The following DTWD2 variants were observed in gnomAD, a reference collection of about 807,000 sequenced individuals.
The protein encoded by DTWD2 is DTW motif tRNA-uridine aminocarboxypropyltransferase 2.
A neutral mutation model predicts 31.8 loss-of-function variants in DTWD2; 39 were observed. The observed-to-expected ratio is 1.22, with a 90% CI of 0.95 to 1.60. The LOEUF (loss-of-function observed/expected upper bound fraction) is 1.60, where lower values mean the gene tolerates loss of function less well. Ranked by LOEUF, DTWD2 falls within the 40% of genes most tolerant of loss-of-function variation. DTWD2 has a pLI of 0.00. For synonymous variants in DTWD2, 180 were observed against 142.8 expected (o/e 1.26, Z -1.86); for missense variants, 515 against 381.5 (o/e 1.35, Z -2.92).
chr5:118,946,270 T>C (rs191219686), intron 1 of DTWD2, among the ~76,000 whole-genome samples: 1 of 152,214 alleles, frequency 6.6e-6, no homozygotes, highest in Admixed American at 6.5e-5. Context: ...ATGATTGTTC[T>C]GCCCCACACT....
intron 4 of DTWD2, among the ~76,000 whole-genome samples, chr5:118,853,059 A>C (rs1020705414): frequency 1.3e-5 from 2 of 152,168 alleles, no homozygotes; most frequent in Non-Finnish European, 2.9e-5. Context: ...GGAGACTACT[A>C]GAGAGAGGAG....
chr5:118,894,490 A>G lies in DTWD2; in HGVS notation c.597+34047T>C, dbSNP rs1258651016. On this transcript the variant is annotated intron_variant, in intron 4 of 5. Coordinates refer to ENST00000510708, the MANE Select transcript of DTWD2 (RefSeq NM_173666.4). ...ATAATCATAGCAGTGTGGTATTGCT[A>G]TTTAAAGACAGATATATAAATAAAT... 2.6e-5 allele frequency among the ~76,000 whole-genome samples: 4 copies of G among 152,330 alleles called. No individual in the cohort carries two copies. The East Asian group carries it at 7.7e-4, about 29-fold the overall frequency.
chr5:118,925,433 G>A (rs1036473914), intron 4 of DTWD2, among the ~76,000 whole-genome samples: 56 of 152,254 alleles, frequency 3.7e-4, no homozygotes, highest in African/African-American at 1.3e-3. Context: ...ATTCAAAATA[G>A]CGTGGCTAAT....
Position 118,977,846 on chromosome 5 carries a change from T to C in DTWD2, c.218+10448A>G, listed in dbSNP as rs1316547407. Among the ~76,000 whole-genome samples, 3 of 152,298 alleles carry C rather than the reference T, an allele frequency of 2.0e-5. No individual in the cohort carries two copies. The South Asian group carries it at 6.2e-4, about 32-fold the overall frequency. On this transcript the variant is annotated intron_variant, in intron 1 of 5. Transcript: ENST00000510708. ...AGGAAAAACTATTTTAAAATTCATATGGAACCAAAAAAGAACCCAAATAGC... is the reference window on the plus strand; with the variant it reads ...AGGAAAAACTATTTTAAAATTCATACGGAACCAAAAAAGAACCCAAATAGC...
chr5:118,844,945 T>G (rs1275083486), intron 5 of DTWD2, among the ~76,000 whole-genome samples: 4 of 152,108 alleles, frequency 2.6e-5, no homozygotes, highest in African/African-American at 9.6e-5. Context: ...AAGACCAATC[T>G]GGGCAACTTG....
chr5:118,987,886 T>C (rs947285237), intron 1 of DTWD2, among the ~76,000 whole-genome samples: 12 of 152,308 alleles, frequency 7.9e-5, no homozygotes, highest in South Asian at 2.1e-4. Context: ...TCTGGTAGGA[T>C]AGGTAAAGGA....
At chr5:118,988,081 G>A (rs1238848077) in intron 1 of DTWD2, 2 of 723,994 alleles carry the variant, frequency 2.8e-6, no homozygotes, top group East Asian at 5.4e-5. Flanking sequence ...TCAGCATATT[G>A]CAGGAAGTAA....
At position 118,988,425 on chromosome 5, in the gene DTWD2, C is replaced by T; in HGVS notation, c.87G>A (p.Lys29=). 1.9e-6 allele frequency: 3 copies of T among 1,606,990 alleles called. No individual in the cohort carries two copies. The highest frequency in any genetic ancestry group is 2.5e-6 in the Non-Finnish European group (3 of 1,178,208). The change falls in exon 1 of 6, where the codon AAG becomes AAA. Residue 29 remains lysine, a synonymous_variant. Coordinates refer to ENST00000510708, the MANE Select transcript of DTWD2 (RefSeq NM_173666.4). Reference sequence around the variant, plus strand: ...GCACTGCGCCGCCCTCCCGCCGCTCCTTGTCGTTCGGCGTCTGAGAGCTTG... The same window carrying T: ...GCACTGCGCCGCCCTCCCGCCGCTCTTTGTCGTTCGGCGTCTGAGAGCTTG... The part of the protein sequence containing the change: ...GASSSQTPND[K]ERREGGAVPA...
chr5:118,848,534 C>T (rs1159525030), intron 4 of DTWD2, among the ~76,000 whole-genome samples: 2 of 152,082 alleles, frequency 1.3e-5, no homozygotes, highest in African/African-American at 2.4e-5. Flanking sequence ...AAGTGTTCAA[C>T]ATGATCTAAT....
At chr5:118,916,017 T>A (rs1035211683) in intron 4 of DTWD2, among the ~76,000 whole-genome samples, 1 of 152,024 alleles carries the variant, frequency 6.6e-6, no homozygotes, top group Admixed American at 6.5e-5. Context: ...CAATAAGGGA[T>A]TGGGGTTGAG....
chr5:118,846,526 G>T (rs1751856703), intron 5 of DTWD2, among the ~76,000 whole-genome samples: 1 of 152,062 alleles, frequency 6.6e-6, no homozygotes, highest in South Asian at 2.1e-4. Context: ...ACTTTCAATG[G>T]GTCCTTGTTT....
chr5:118,988,059 C>T, intron 1 of DTWD2: 1 of 712,644 alleles, frequency 1.4e-6, no homozygotes, highest in Non-Finnish European at 2.5e-6. Flanking sequence ...GTCTGCTCAT[C>T]CCATGATACG....
intron 4 of DTWD2, among the ~76,000 whole-genome samples, chr5:118,917,919 C>T (rs1339388503): frequency 2.0e-5 from 3 of 151,718 alleles, no homozygotes; most frequent in South Asian, 2.1e-4. Context: ...GAGCCGAGAT[C>T]GCACCACTGC....
chr5:118,944,690 A>C (rs748442183), intron 1 of DTWD2, 41 bp from the exon 2 acceptor site: 2 of 1,588,778 alleles, frequency 1.3e-6, no homozygotes, highest in Non-Finnish European at 1.7e-6. Flanking sequence ...AAATTTTAAA[A>C]ATACAATGAT....
chr5:118,959,726 A>G (rs888697974), intron 1 of DTWD2, among the ~76,000 whole-genome samples: 1 of 152,228 alleles, frequency 6.6e-6, no homozygotes, highest in African/African-American at 2.4e-5. Flanking sequence ...TACAGTAACC[A>G]AAACAGCATG....
intron 4 of DTWD2, among the ~76,000 whole-genome samples, chr5:118,852,635 T>G (rs1286826602): frequency 1.3e-5 from 2 of 152,182 alleles, no homozygotes; most frequent in African/African-American, 4.8e-5. Context: ...GTAAATTAAT[T>G]CAGCCACTGT....
Position 118,944,637 on chromosome 5 carries a change from T to C in DTWD2, c.231A>G (p.Lys77=), listed in dbSNP as rs1231993988. ...CTGGGAGAAATGGACACAAACACACTTTCTGAGGCCGGCTAAAGGGTAAAA... is the reference window on the plus strand; with the variant it reads ...CTGGGAGAAATGGACACAAACACACCTTCTGAGGCCGGCTAAAGGGTAAAA... The part of the protein sequence containing the change: ...PECTRCSRPQ[K]VCLCPFLPAH... Residue 77 remains lysine (K), a synonymous_variant, in exon 2 of 6, where the codon AAA becomes AAG. Transcript: ENST00000510708. 1.9e-6 allele frequency: 3 copies of C among 1,612,996 alleles called. No homozygotes were observed. Among genetic ancestry groups the C allele is most frequent in the Admixed American group, 1.7e-5 (1 of 59,910 alleles).
At chr5:118,863,345 A>T (rs1349297075) in intron 4 of DTWD2, among the ~76,000 whole-genome samples, 1 of 152,194 alleles carries the variant, frequency 6.6e-6, no homozygotes, top group Non-Finnish European at 1.5e-5. Flanking sequence ...AATCCTTTCC[A>T]CTGTGCATTC....
chr5:118,874,969 G>A (rs1257481500), intron 4 of DTWD2, among the ~76,000 whole-genome samples: 2 of 152,020 alleles, frequency 1.3e-5, no homozygotes, highest in Non-Finnish European at 2.9e-5. Context: ...CAGAGAAAAA[G>A]GCCAGGTCAC....
Sources: allele counts gnomAD v4.1 joint callset (sites outside exome capture counted in the v4.1 genomes callset), GRCh38; gene constraint gnomAD v4.1.1; transcripts MANE v1.5; gene names NCBI Gene and HGNC (gene_info 2026-07-23, HGNC 2026-07-21).